PLAAT2: variants seen among roughly 807,000 people sequenced by gnomAD.
The protein encoded by PLAAT2 is HRAS like suppressor 2.
A neutral mutation model predicts 12.8 loss-of-function variants in PLAAT2; 12 were observed. The ratio of observed to expected loss-of-function variants is 0.94; its 90% CI spans 0.60 to 1.52. PLAAT2 has a LOEUF of 1.52. Among genes scored for constraint, PLAAT2 ranks in the 40% most tolerant of loss-of-function variants. The pLI is 0.00. For missense variants in PLAAT2, 166 were observed against 208.1 expected (o/e 0.80, Z 1.24); for synonymous variants, 79 against 86.8 (o/e 0.91, Z 0.50).
upstream of PLAAT2, among the ~76,000 whole-genome samples, chr11:63,564,837 C>T (rs1396835816): frequency 2.6e-5 from 4 of 151,994 alleles, no homozygotes; most frequent in Non-Finnish European, 5.9e-5. Flanking sequence ...GCAACCACAT[C>T]ACACCCCTGT....
chr11:63,553,077 G>A lies in PLAAT2; in HGVS notation c.388-12C>T. 1 of 1,580,534 alleles carries A rather than the reference G, an allele frequency of 6.3e-7. No homozygotes were observed. Among genetic ancestry groups the A allele is most frequent in the Non-Finnish European group, 8.7e-7 (1 of 1,151,186 alleles). ...ACTGCACCAGTGACCTGCAGCAGAAGAGAAGGGAGAGCACACTCAGCATCA... is the reference window on the plus strand; with the variant it reads ...ACTGCACCAGTGACCTGCAGCAGAAAAGAAGGGAGAGCACACTCAGCATCA... On this transcript the variant is annotated splice_polypyrimidine_tract_variant and intron_variant, in intron 3 of 3. Coordinates refer to ENST00000255695, the MANE Select transcript of PLAAT2 (RefSeq NM_017878.2).
At chr11:63,553,696 G>A (rs2017439452) in intron 3 of PLAAT2, among the ~76,000 whole-genome samples, 1 of 152,156 alleles carries the variant, frequency 6.6e-6, no homozygotes, top group African/African-American at 2.4e-5. Context: ...TAAACCCCCA[G>A]CAAGGACAGA....
At position 63,557,053 on chromosome 11, in the gene PLAAT2, G is replaced by A. The variant is rs186455330; in HGVS notation, c.387+1339C>T. On this transcript the variant is annotated intron_variant, in intron 3 of 3. Transcript: ENST00000255695. ...CTGGCTCGGCTATTTAAACTACACGGAAGACATTTTTCCCTAACTGAATGA... is the reference window on the plus strand; with the variant it reads ...CTGGCTCGGCTATTTAAACTACACGAAAGACATTTTTCCCTAACTGAATGA... Among the ~76,000 whole-genome samples, 14 of 152,284 alleles carry A rather than the reference G, an allele frequency of 9.2e-5. No homozygotes were observed. The East Asian group carries it at 2.5e-3, about 27-fold the overall frequency.
At chr11:63,557,165 A>T (rs933188743) in intron 3 of PLAAT2, among the ~76,000 whole-genome samples, 3 of 152,176 alleles carry the variant, frequency 2.0e-5, no homozygotes, top group African/African-American at 7.2e-5. Context: ...TTTCCTTTAC[A>T]AATTTTTTAC....
chr11:63,558,069 A>G (rs139377511), intron 3 of PLAAT2, among the ~76,000 whole-genome samples: 234 of 152,234 alleles, frequency 1.5e-3, no homozygotes, highest in African/African-American at 5.3e-3. Flanking sequence ...AAGTTACTTA[A>G]GCACGGTGAG....
chr11:63,564,451 A>G (rs991763604), upstream of PLAAT2, among the ~76,000 whole-genome samples: 1 of 152,172 alleles, frequency 6.6e-6, no homozygotes, highest in Non-Finnish European at 1.5e-5. Context: ...TACCCTCTTC[A>G]GGCTATAAAC....
intron 3 of PLAAT2, among the ~76,000 whole-genome samples, chr11:63,553,764 T>C (rs1027311143): frequency 1.3e-5 from 2 of 152,088 alleles, no homozygotes; most frequent in African/African-American, 4.8e-5. Flanking sequence ...TTGAGGCAGA[T>C]ATGAAGTTGG....
chr11:63,563,704 C>T (rs562863999), upstream of PLAAT2, among the ~76,000 whole-genome samples: 658 of 116,212 alleles, frequency 5.7e-3, 5 homozygotes, highest in African/African-American at 0.021. Context: ...GGCGGCAGGG[C>T]GAGACTCAGT....
chr11:63,558,822 G>T (rs2017492909), intron 2 of PLAAT2, among the ~76,000 whole-genome samples, 162 bp from the exon 3 acceptor site: 1 of 152,148 alleles, frequency 6.6e-6, no homozygotes, highest in Admixed American at 6.5e-5. Context: ...CCCAAGCCTG[G>T]GTGACTTTGG....
chr11:63,555,152 C>T (rs999909153), intron 3 of PLAAT2, among the ~76,000 whole-genome samples: 4 of 152,130 alleles, frequency 2.6e-5, no homozygotes, highest in African/African-American at 4.8e-5. Flanking sequence ...TAACCTCCCA[C>T]GGATATTGGG....
intron 3 of PLAAT2, among the ~76,000 whole-genome samples, chr11:63,554,834 GA>G (rs1040509228): frequency 9.3e-5 from 14 of 151,328 alleles, no homozygotes; most frequent in East Asian, 5.8e-4. Context: ...AAGAAAGGGG[GA>G]AAAAAAACCA....
intron 3 of PLAAT2, among the ~76,000 whole-genome samples, chr11:63,558,026 G>C (rs891089834): frequency 6.6e-6 from 1 of 152,212 alleles, no homozygotes; most frequent in Non-Finnish European, 1.5e-5. Flanking sequence ...ATGGACTAGA[G>C]ACTCAATAAC....
intron 1 of PLAAT2, among the ~76,000 whole-genome samples, chr11:63,560,729 A>G (rs759845942): frequency 6.6e-6 from 1 of 152,198 alleles, no homozygotes; most frequent in African/African-American, 2.4e-5. Flanking sequence ...CAATGAGCAC[A>G]TGGAGTCTCA....
At chr11:63,562,395 C>T (rs1424561176) in intron 1 of PLAAT2, among the ~76,000 whole-genome samples, 1 of 152,174 alleles carries the variant, frequency 6.6e-6, no homozygotes, top group African/African-American at 2.4e-5. Context: ...ACTATAAGCA[C>T]ATACCATTAT....
At position 63,553,072 on chromosome 11, in the gene PLAAT2, C is replaced by G; in HGVS notation, c.388-7G>C. The G allele has an allele frequency of 6.2e-7, 1 of 1,601,302 alleles. No individual in the cohort carries two copies. The highest frequency in any genetic ancestry group is 8.6e-7 in the Non-Finnish European group (1 of 1,169,558). On this transcript the variant is annotated splice_region_variant and splice_polypyrimidine_tract_variant and intron_variant, in intron 3 of 3. Transcript: ENST00000255695. ...TCGTGACTGCACCAGTGACCTGCAG[C>G]AGAAGAGAAGGGAGAGCACACTCAG...
intron 3 of PLAAT2, 65 bp downstream of exon 3, chr11:63,558,326 AC>A: frequency 6.4e-7 from 1 of 1,573,578 alleles, no homozygotes; most frequent in African/African-American, 1.3e-5. Flanking sequence ...CCCAGCAGGG[AC>A]CCAGCCTCTG....
At chr11:63,556,437 G>A (rs2017467349) in intron 3 of PLAAT2, among the ~76,000 whole-genome samples, 1 of 152,092 alleles carries the variant, frequency 6.6e-6, no homozygotes, top group African/African-American at 2.4e-5. Context: ...ACAGCCTATA[G>A]AAGAGCTTTT....
intron 3 of PLAAT2, among the ~76,000 whole-genome samples, chr11:63,553,639 G>A (rs558112534): frequency 6.6e-6 from 1 of 152,302 alleles, no homozygotes; most frequent in East Asian, 1.9e-4. Flanking sequence ...GACAAAGTGA[G>A]TCCCTGTCTT....
chr11:63,554,153 G>A lies in PLAAT2; in HGVS notation c.388-1088C>T, dbSNP rs1243274908. Among the ~76,000 whole-genome samples the A allele has an allele frequency of 3.2e-5, 4 of 124,582 alleles. 1 individual carries two copies. The South Asian group carries it at 9.5e-4, about 30-fold the overall frequency. 81.7% of individuals were successfully genotyped at this position (124,582 alleles called of 152,430 possible). ...GAGAGACTAGCACTGGAGCGACTGG[G>A]GGAAACAACACGGGGTGGGGGGTGG... On this transcript the variant is annotated intron_variant, in intron 3 of 3. Transcript: ENST00000255695.
Sources: gnomAD v4.1 joint callset for allele counts (sites outside exome capture counted in the v4.1 genomes callset) on GRCh38, gnomAD v4.1.1 for gene constraint, MANE v1.5 for transcripts, NCBI Gene and HGNC (gene_info 2026-07-23, HGNC 2026-07-21) for gene names.